Variants in KIF9 observed in about 807,000 individuals in gnomAD.
The protein encoded by KIF9 is kinesin-like protein KIF9.
Under a neutral mutation model 94.8 loss-of-function variants are expected in KIF9, and 68 were observed. That is an observed-to-expected ratio of 0.72 (90% CI 0.59 to 0.88). The LOEUF is 0.88. KIF9 is among the 40% of genes least tolerant of loss of function. The pLI is 0.00. For synonymous variants in KIF9, 343 were observed against 362.1 expected, an observed-to-expected ratio of 0.95 and a Z score of 0.60; for missense variants, 882 against 982.5, an observed-to-expected ratio of 0.90 and a Z score of 1.37.
In KIF9 at chr3:47,244,885, GCTCA is replaced by G. The variant is rs769456379; in HGVS notation, c.1416_1419del (p.Glu473LeufsTer44). ...CCGAGTCCAAAGTTTTGTCCTTCAG[GCTCA>G]CCCACTAGGTGGCCATCAACATCCA... On this transcript the variant is annotated frameshift_variant, in exon 15 of 21. Coordinates refer to ENST00000684063, the MANE Select transcript of KIF9 (RefSeq NM_182902.4). LOFTEE classifies it high-confidence loss of function. The G allele has an allele frequency of 6.2e-7, 1 of 1,614,120 alleles. No individual in the cohort carries two copies. Among genetic ancestry groups the G allele is most frequent in the East Asian group, 2.2e-5 (1 of 44,894 alleles).
Position 47,271,366 on chromosome 3 carries a change from G to A in KIF9, c.462C>T (p.Ser154=). 1.2e-6 allele frequency: 2 copies of A among 1,613,888 alleles called. No homozygotes were observed. The highest frequency in any genetic ancestry group is 8.5e-7 in the Non-Finnish European group (1 of 1,179,892). ...IYNESLFDLL[S]TLPYVGPSVT... ...CTGAGGGTCCAACATAGGGCAGAGT[G>A]GACAGGAGATCAAACAGGCTCTCAT... The change falls in exon 5 of 21, where the codon TCC becomes TCT. Residue 154 remains serine, a synonymous_variant. Transcript: ENST00000684063.
chr3:47,268,876 C>A (rs1701457620), intron 5 of KIF9, among the ~76,000 whole-genome samples: 1 of 152,134 alleles, frequency 6.6e-6, no homozygotes, highest in Non-Finnish European at 1.5e-5. Context: ...TGAGCCACCA[C>A]AGCAGGTCAT....
intron 19 of KIF9, 101 bp from the exon 20 acceptor site, chr3:47,235,718 ACCGC>A: frequency 2.3e-6 from 2 of 863,470 alleles, no homozygotes; most frequent in Non-Finnish European, 3.8e-6. Flanking sequence ...TGTGCCACAC[ACCGC>A]CCCACCGCCA....
chr3:47,232,142 G>T (rs1303357136), intron 20 of KIF9, among the ~76,000 whole-genome samples: 1 of 152,152 alleles, frequency 6.6e-6, no homozygotes, highest in Non-Finnish European at 1.5e-5. Flanking sequence ...TTAGTTTATT[G>T]CACTTCTGCT....
rs36111901 is a variant in KIF9, at chr3:47,249,148, AT to A, written c.1060-1063del. Reference sequence around the variant, plus strand: ...ATAATAATCATGTATGTCACCTCTAATTTTTTTTTTTTTTTGAGATGGGGTC... The same window carrying A: ...ATAATAATCATGTATGTCACCTCTAATTTTTTTTTTTTTTGAGATGGGGTC... On this transcript the variant is annotated intron_variant, in intron 10 of 20. Transcript: ENST00000684063. Among the ~76,000 whole-genome samples, 192 of 138,984 alleles carry A rather than the reference AT, an allele frequency of 1.4e-3. 1 individual carries two copies. Among genetic ancestry groups the A allele is most frequent in the African/African-American group, 2.7e-3 (99 of 37,258 alleles). The allele number at this position is 138,984 out of a possible 152,430, so 91.2% of individuals were successfully genotyped here. A position where few individuals can be genotyped will look rare whatever the true frequency, so the allele number is the denominator to read the frequency against.
intron 17 of KIF9, among the ~76,000 whole-genome samples, chr3:47,237,811 C>T (rs1699147171): frequency 6.6e-6 from 1 of 152,230 alleles, no homozygotes. Flanking sequence ...AATGTCTAGA[C>T]TCTGGGATCT....
intron 9 of KIF9, 135 bp downstream of exon 9, chr3:47,264,151 G>T: frequency 1.4e-6 from 1 of 710,540 alleles, no homozygotes; most frequent in Non-Finnish European, 2.6e-6. Context: ...CTGTGGCTCA[G>T]ACTCACCCCT....
At chr3:47,278,732 G>A (rs1357353863) in intron 1 of KIF9, among the ~76,000 whole-genome samples, 1 of 152,148 alleles carries the variant, frequency 6.6e-6, no homozygotes, top group African/African-American at 2.4e-5. Context: ...AGCACTTTGG[G>A]AGGCCGAGGC....
At chr3:47,236,170 A>C in intron 18 of KIF9, 21 bp from the exon 19 acceptor site, 1 of 1,572,934 alleles carries the variant, frequency 6.4e-7, no homozygotes, top group South Asian at 1.1e-5. Context: ...GTGAGGAGAC[A>C]GAACTTGAGG....
chr3:47,240,852 C>T lies in KIF9; in HGVS notation c.1873G>A (p.Asp625Asn). The T allele has an allele frequency of 6.2e-7, 1 of 1,614,216 alleles. No individual in the cohort carries two copies. Among genetic ancestry groups the T allele is most frequent in the Non-Finnish European group, 8.5e-7 (1 of 1,180,044 alleles). The change falls in exon 17 of 21, where the codon GAT becomes AAT. Residue 625 changes from aspartate (D) to asparagine (N), a missense_variant. Physicochemically the swap from Asp to Asn is conservative, Grantham distance 23 (BLOSUM62 1). Coordinates refer to ENST00000684063, the MANE Select transcript of KIF9 (RefSeq NM_182902.4). ...QHINAIKREI[D>N]VTKEALNFQK... ...AAATTCAGGGCCTCCTTGGTCACAT[C>T]AATCTCCCGCTTGATGGCATTGATG...
rs891768065 is a variant in KIF9, at chr3:47,282,739, G to A, written c.-250C>T. On this transcript the variant is annotated 5_prime_UTR_variant, in exon 1 of 21. Coordinates refer to ENST00000684063, the MANE Select transcript of KIF9 (RefSeq NM_182902.4). ...TTGATCTAGAAAGACTTCGGCGGAT[G>A]CACATGCGAAGTCAAGGTCGAGATA... is the stretch of plus-strand genomic sequence containing the variant. The A allele has an allele frequency of 7.1e-7, 1 of 1,417,960 alleles. No individual in the cohort carries two copies. Among genetic ancestry groups the A allele is most frequent in the East Asian group, 2.6e-5 (1 of 38,690 alleles). 87.8% of individuals were successfully genotyped at this position (1,417,960 alleles called of 1,614,324 possible).
chr3:47,255,705 TA>T, intron 10 of KIF9, among the ~76,000 whole-genome samples: 1 of 151,784 alleles, frequency 6.6e-6, no homozygotes, highest in East Asian at 1.9e-4. Flanking sequence ...TCTTTCTTTT[TA>T]AAAAATTTTC....
intron 13 of KIF9, 182 bp downstream of exon 13, chr3:47,246,015 C>T: frequency 1.7e-6 from 1 of 582,032 alleles, no homozygotes; most frequent in Non-Finnish European, 3.1e-6. Context: ...TCCATAAACA[C>T]CTCCTGTCCA....
At chr3:47,262,108 G>C (rs1297109593) in intron 9 of KIF9, among the ~76,000 whole-genome samples, 1 of 152,156 alleles carries the variant, frequency 6.6e-6, no homozygotes, top group African/African-American at 2.4e-5. Context: ...AGCCCCCGGA[G>C]ACTGCGGGTA....
At chr3:47,248,826 C>G (rs1700089601) in intron 10 of KIF9, among the ~76,000 whole-genome samples, 3 of 152,236 alleles carry the variant, frequency 2.0e-5, no homozygotes, top group Admixed American at 6.5e-5. Flanking sequence ...TCACTGAAGC[C>G]TCAACCTCCT....
chr3:47,241,912 C>A (rs1218105431), intron 16 of KIF9, among the ~76,000 whole-genome samples: 2 of 135,450 alleles, frequency 1.5e-5, no homozygotes, highest in African/African-American at 5.8e-5. Flanking sequence ...TTGGAGACAG[C>A]ATGCTCTGTT....
In KIF9 at chr3:47,265,743, C is replaced by T; in HGVS notation, c.903G>A (p.Leu301=). The T allele has an allele frequency of 1.2e-6, 2 of 1,614,160 alleles. No homozygotes were observed. The highest frequency in any genetic ancestry group is 2.2e-5 in the South Asian group (2 of 91,076). ...PFRQCKLTHA[L]KDSLGGNCNM... is the part of the protein sequence containing the mutation. Reference sequence around the variant, plus strand: ...GTACCCCCTCACCTAACGAGTCCTTCAGAGCGTGGGTGAGCTTGCACTGCC... The same window carrying T: ...GTACCCCCTCACCTAACGAGTCCTTTAGAGCGTGGGTGAGCTTGCACTGCC... The change falls in exon 8 of 21, where the codon CTG becomes CTA. Residue 301 remains leucine (L), a synonymous_variant. Coordinates refer to ENST00000684063, the MANE Select transcript of KIF9 (RefSeq NM_182902.4).
chr3:47,256,271 T>C (rs990522915), intron 10 of KIF9, among the ~76,000 whole-genome samples: 3 of 150,226 alleles, frequency 2.0e-5, no homozygotes. Flanking sequence ...GTCTGGAAAG[T>C]GAGGAGCGTC....
intron 13 of KIF9, chr3:47,245,867 T>C (rs1408849846): frequency 4.3e-6 from 2 of 469,840 alleles, no homozygotes; most frequent in East Asian, 3.7e-5. Flanking sequence ...TGACACCACC[T>C]AGCATAAGCT....
Sources: allele counts gnomAD v4.1 joint callset (sites outside exome capture counted in the v4.1 genomes callset), GRCh38; gene constraint gnomAD v4.1.1; transcripts MANE v1.5; gene names NCBI Gene and HGNC (gene_info 2026-07-23, HGNC 2026-07-21).